Variants in NLRP4 observed in about 807,000 individuals in gnomAD.
NLRP4 encodes the protein NLR family pyrin domain containing 4.
In NLRP4, 44 loss-of-function variants were observed where a neutral mutation model predicts 84.7. That is an observed-to-expected ratio of 0.52 (90% confidence interval 0.41 to 0.67). The LOEUF (loss-of-function observed/expected upper bound fraction) is 0.67, where lower values mean the gene tolerates loss of function less well. Ranked by LOEUF, NLRP4 falls within the 30% of genes least tolerant of loss-of-function variation. NLRP4 has a pLI of 0.00. For missense variants in NLRP4, 1,260 were observed against 1,219.4 expected (o/e 1.03, Z -0.50); for synonymous variants, 544 against 476.4 (o/e 1.14, Z -1.85).
chr19:55,847,718 T>TC (rs1262250571), intron 1 of NLRP4, among the ~76,000 whole-genome samples: 6 of 115,882 alleles, frequency 5.2e-5, no homozygotes, highest in Admixed American at 1.6e-4. Context: ...CTAATATCCT[T>TC]TTTTTTTTTT....
At chr19:55,839,871 T>G (rs1983539627) in intron 1 of NLRP4, among the ~76,000 whole-genome samples, 1 of 152,224 alleles carries the variant, frequency 6.6e-6, no homozygotes, top group Non-Finnish European at 1.5e-5. Flanking sequence ...TTTTTCCAGC[T>G]CCTGATTTAG....
At chr19:55,852,977 C>G (rs915690781) in intron 2 of NLRP4, among the ~76,000 whole-genome samples, 2 of 152,208 alleles carry the variant, frequency 1.3e-5, no homozygotes, top group Admixed American at 6.5e-5. Context: ...ATGCACCTGA[C>G]TTATTTGCAA....
chr19:55,871,073 A>G lies in NLRP4; in HGVS notation c.2525+76A>G, dbSNP rs1184486940. 8 of 1,299,422 alleles carry G rather than the reference A, an allele frequency of 6.2e-6. No homozygotes were observed. The East Asian group carries it at 1.9e-4, about 30-fold the overall frequency. 80.5% of individuals were successfully genotyped at this position (1,299,422 alleles called of 1,614,324 possible). On this transcript the variant is annotated intron_variant, in intron 7 of 9. Transcript: ENST00000301295. ...GCACTGCTGAGAATGGGGCATCTGG[A>G]ATTGAGGAAGGCTGTAGTGTCTGTG...
intron 1 of NLRP4, among the ~76,000 whole-genome samples, chr19:55,846,680 G>T (rs1983808416): frequency 1.3e-5 from 2 of 152,060 alleles, no homozygotes; most frequent in South Asian, 4.2e-4. Context: ...GTGTGTCTAG[G>T]GAAGGACCTG....
intron 9 of NLRP4, among the ~76,000 whole-genome samples, chr19:55,879,298 T>C (rs886326062): frequency 1.3e-5 from 2 of 152,078 alleles, no homozygotes; most frequent in Non-Finnish European, 2.9e-5. Flanking sequence ...AGAAGTTTAA[T>C]AGGCAAAAGA....
chr19:55,849,870 G>A lies in NLRP4; in HGVS notation c.-65-2146G>A, dbSNP rs568027321. 1.6e-3 allele frequency among the ~76,000 whole-genome samples: 208 copies of A among 133,652 alleles called. 5 individuals are homozygous for A. The highest frequency in any genetic ancestry group is 0.011 in the South Asian group (41 of 3,898). The allele number at this position is 133,652 out of a possible 152,430, so 87.7% of individuals were successfully genotyped here. On this transcript the variant is annotated intron_variant, in intron 1 of 9. Coordinates refer to ENST00000301295, the MANE Select transcript of NLRP4 (RefSeq NM_134444.5). ...TTTCCGAGACTGCGGTGTAATTTCC[G>A]TGGCCGCGGTGTAATTTCCGTGGCC...
At chr19:55,840,581 G>C (rs1983576153) in intron 1 of NLRP4, among the ~76,000 whole-genome samples, 2 of 152,150 alleles carry the variant, frequency 1.3e-5, no homozygotes, top group African/African-American at 4.8e-5. Flanking sequence ...GGTATTTTTA[G>C]TAGAGACGGG....
intron 7 of NLRP4, among the ~76,000 whole-genome samples, chr19:55,874,970 A>T (rs1026687092): frequency 4.6e-5 from 7 of 152,246 alleles, no homozygotes; most frequent in African/African-American, 1.7e-4. Context: ...AACATTAAAA[A>T]GATTAGTAAA....
chr19:55,873,315 G>A (rs894847166), intron 7 of NLRP4, among the ~76,000 whole-genome samples: 1 of 151,646 alleles, frequency 6.6e-6, no homozygotes, highest in African/African-American at 2.4e-5. Context: ...AATATAAAGG[G>A]GTAAATTAAG....
At position 55,870,911 on chromosome 19, in the gene NLRP4, C is replaced by T. The variant is rs146693875; in HGVS notation, c.2439C>T (p.Asp813=). Residue 813 remains aspartate, a synonymous_variant, in exon 7 of 10, where the codon GAC becomes GAT. Transcript: ENST00000301295. ...LLRNKSVRYL[D]LSANVLKDEG... Reference sequence around the variant, plus strand: ...GTAACAAGAGCGTGCGCTATCTAGACCTCAGTGCCAATGTCCTGAAGGACG... The same window carrying T: ...GTAACAAGAGCGTGCGCTATCTAGATCTCAGTGCCAATGTCCTGAAGGACG... The T allele has an allele frequency of 4.2e-4, 674 of 1,613,922 alleles. 7 individuals are homozygous for T. In the Admixed American group the frequency reaches 7.5e-3, roughly 18 times the overall value.
intron 1 of NLRP4, among the ~76,000 whole-genome samples, chr19:55,849,115 G>A (rs758887460): frequency 6.6e-6 from 1 of 152,138 alleles, no homozygotes; most frequent in Non-Finnish European, 1.5e-5. Context: ...CACTTAAGAG[G>A]TGGGGAGTTA....
In NLRP4 at chr19:55,877,115, A is replaced by G; in HGVS notation, c.2645A>G (p.Gln882Arg). The G allele has an allele frequency of 1.2e-6, 2 of 1,614,138 alleles. No individual in the cohort carries two copies. Among genetic ancestry groups the G allele is most frequent in the South Asian group, 2.2e-5 (2 of 91,080 alleles). Reference sequence around the variant, plus strand: ...AATGAAATCGGAGATGTGGGTGTGCAGCTGTTGTGTCGGGCTCTGACGCAT... The same window carrying G: ...AATGAAATCGGAGATGTGGGTGTGCGGCTGTTGTGTCGGGCTCTGACGCAT... ...GCNEIGDVGV[Q>R]LLCRALTHTD... The change falls in exon 8 of 10, where the codon CAG becomes CGG. Residue 882 changes from glutamine to arginine, a missense_variant. Physicochemically the swap from Gln to Arg is conservative, Grantham distance 43 (BLOSUM62 1). This residue lies in a region of NLRP4 where 544 missense variants were observed against 531.7 expected (regional missense o/e 1.02). Transcript: ENST00000301295.
rs185596387 is a variant in NLRP4 at position 55,857,602 on chromosome 19, G to A, written c.281-72G>A. Reference sequence around the variant, plus strand: ...AGACCCCTGGAAAGATACATCCTGAGAAGAAAAAAAGAATATATGCAGGAA... The same window carrying A: ...AGACCCCTGGAAAGATACATCCTGAAAAGAAAAAAAGAATATATGCAGGAA... On this transcript the variant is annotated intron_variant, in intron 2 of 9. Transcript: ENST00000301295. 5.2e-3 allele frequency: 7,457 copies of A among 1,435,078 alleles called. 39 individuals are homozygous for A. The highest frequency in any genetic ancestry group is 6.3e-3 in the Non-Finnish European group (6,538 of 1,042,778). The allele number at this position is 1,435,078 out of a possible 1,614,324, so 88.9% of individuals were successfully genotyped here. A position where few individuals can be genotyped will look rare whatever the true frequency, so the allele number is the denominator to read the frequency against.
chr19:55,862,101 G>A lies in NLRP4; in HGVS notation c.2128G>A (p.Asp710Asn). Residue 710 changes from aspartate (D) to asparagine (N), a missense_variant, in exon 5 of 10, where the codon GAC becomes AAC. By Grantham distance (23) the Asp-to-Asn change is conservative (BLOSUM62 1). Coordinates refer to ENST00000301295, the MANE Select transcript of NLRP4 (RefSeq NM_134444.5). The stretch of plus-strand genomic sequence containing the variant: ...CACCCTCACGAAACTCTCTCGTGAT[G>A]ACATCAGGTCCCTCTGTGATGCCTT... ...SFTLTKLSRD[D>N]IRSLCDALNY... 1 of 1,613,782 alleles carries A rather than the reference G, an allele frequency of 6.2e-7. No homozygotes were observed. The highest frequency in any genetic ancestry group is 8.5e-7 in the Non-Finnish European group (1 of 1,179,628).
chr19:55,865,735 GGTT>G (rs1376984437), intron 5 of NLRP4, among the ~76,000 whole-genome samples: 9 of 152,036 alleles, frequency 5.9e-5, no homozygotes, highest in Non-Finnish European at 1.3e-4. Flanking sequence ...TTCTTCATAT[GGTT>G]GTTGGCAACA....
At chr19:55,865,430 G>A (rs1984918129) in intron 5 of NLRP4, among the ~76,000 whole-genome samples, 1 of 152,172 alleles carries the variant, frequency 6.6e-6, no homozygotes, top group Non-Finnish European at 1.5e-5. Context: ...GAGCATACAA[G>A]TGCAGGTGTC....
At chr19:55,847,682 C>G (rs1983848966) in intron 1 of NLRP4, among the ~76,000 whole-genome samples, 2 of 137,152 alleles carry the variant, frequency 1.5e-5, no homozygotes, top group South Asian at 2.2e-4. Flanking sequence ...TAAGATTATT[C>G]TTTCTTCAGA....
intron 7 of NLRP4, among the ~76,000 whole-genome samples, chr19:55,874,890 T>G: frequency 6.6e-6 from 1 of 152,094 alleles, no homozygotes; most frequent in East Asian, 1.9e-4. Flanking sequence ...GCAAGCAGAA[T>G]CCATAAATGT....
At chr19:55,869,082 G>A (rs1391239096) in intron 6 of NLRP4, among the ~76,000 whole-genome samples, 1 of 152,128 alleles carries the variant, frequency 6.6e-6, no homozygotes, top group East Asian at 1.9e-4. Flanking sequence ...GTGAGTCCTA[G>A]AATTGTCCCA....
Sources: gnomAD v4.1 joint callset for allele counts (sites outside exome capture counted in the v4.1 genomes callset) on GRCh38, gnomAD v4.1.1 for gene constraint, gnomAD v4.1.1 regional missense constraint, MANE v1.5 for transcripts, NCBI Gene and HGNC (gene_info 2026-07-23, HGNC 2026-07-21) for gene names.